The following POTEB3 variants were observed in gnomAD, a reference collection of about 807,000 sequenced individuals.
The protein encoded by POTEB3 is ANKRD26-like family B member 1.
Under a neutral mutation model 39.8 loss-of-function variants are expected in POTEB3, and 5 were observed. The ratio of observed to expected loss-of-function variants is 0.13; its 90% CI spans 0.07 to 0.26. The LOEUF is 0.26. Ranked by LOEUF, POTEB3 falls within the 10% of genes least tolerant of loss-of-function variation. The pLI is 1.00. For synonymous variants in POTEB3, 5 were observed against 161.5 expected, an observed-to-expected ratio of 0.03 and a Z score of 7.35; for missense variants, 24 against 475.6, an observed-to-expected ratio of 0.05 and a Z score of 8.83.
At chr15:21,434,454 A>G (rs2141374196) in intron 3 of POTEB3, among the ~76,000 whole-genome samples, 1 of 85,726 alleles carries the variant, frequency 1.2e-5, no homozygotes, top group Admixed American at 1.1e-4. Flanking sequence ...AGCATTAACC[A>G]CAAGTGCACT....
chr15:21,417,294 AAAG>A (rs1898422585), intron 9 of POTEB3, among the ~76,000 whole-genome samples: 1 of 75,316 alleles, frequency 1.3e-5, no homozygotes, highest in Admixed American at 1.1e-4. Context: ...GAGTGAATGA[AAAG>A]AAAATTTGAG....
intron 6 of POTEB3, among the ~76,000 whole-genome samples, chr15:21,424,803 C>T (rs1420814357): frequency 6.6e-6 from 1 of 151,042 alleles, no homozygotes. Flanking sequence ...GTCCTCCAAA[C>T]CTTTCTCATT....
rs1215637141 is a variant in POTEB3, at chr15:21,408,076, G to T, written c.*907C>A. Among the ~76,000 whole-genome samples the T allele has an allele frequency of 1.2e-5, 1 of 82,164 alleles. No homozygotes were observed. Among genetic ancestry groups the T allele is most frequent in the African/African-American group, 1.3e-4 (1 of 7,732 alleles). The allele number at this position is 82,164 out of a possible 152,430, so 53.9% of individuals were successfully genotyped here. A position where few individuals can be genotyped will look rare whatever the true frequency, so the allele number is the denominator to read the frequency against. ...GTCTGTGCTGTGGGCCCAAGCCAGG[G>T]TTCCTTGTCTGTTGATGAGCAGTAA... On this transcript the variant is annotated 3_prime_UTR_variant, in exon 11 of 11. Coordinates refer to ENST00000611217, the MANE Select transcript of POTEB3 (RefSeq NM_207355.5).
chr15:21,419,805 A>G (rs1260502187), intron 8 of POTEB3, among the ~76,000 whole-genome samples, 175 bp from the exon 9 acceptor site: 1 of 139,706 alleles, frequency 7.2e-6, no homozygotes, highest in Admixed American at 7.2e-5. Flanking sequence ...AGATGTAATT[A>G]TCATGTCATT....
rs1395074872 is a variant in POTEB3, at chr15:21,407,601, G to C, written c.*1382C>G. Among the ~76,000 whole-genome samples, 1 of 86,754 alleles carries C rather than the reference G, an allele frequency of 1.2e-5. No homozygotes were observed. Among genetic ancestry groups the C allele is most frequent in the Non-Finnish European group, 2.1e-5 (1 of 48,736 alleles). 56.9% of individuals were successfully genotyped at this position (86,754 alleles called of 152,430 possible). The stretch of plus-strand genomic sequence containing the variant: ...CAAAAGTGCCCTCTAAGCAGGTGTG[G>C]CCTGGCTGGGGTCCTGGGAGAGGCA... On this transcript the variant is annotated 3_prime_UTR_variant, in exon 11 of 11. Coordinates refer to ENST00000611217, the MANE Select transcript of POTEB3 (RefSeq NM_207355.5).
chr15:21,423,003 A>G (rs1423805548), intron 6 of POTEB3, among the ~76,000 whole-genome samples: 5 of 147,760 alleles, frequency 3.4e-5, no homozygotes, highest in Admixed American at 2.7e-4. Context: ...TACCTTACAA[A>G]CGATTTCCAA....
chr15:21,414,451 A>C (rs1240352156), intron 9 of POTEB3, among the ~76,000 whole-genome samples: 2 of 106,450 alleles, frequency 1.9e-5, no homozygotes, highest in African/African-American at 5.9e-5. Flanking sequence ...GGCAACTTTT[A>C]TACAGAAAAT....
chr15:21,419,993 G>A (rs1898471154), intron 8 of POTEB3, among the ~76,000 whole-genome samples: 2 of 93,784 alleles, frequency 2.1e-5, no homozygotes, highest in African/African-American at 5.0e-5. Flanking sequence ...AAAATAAAAC[G>A]ACATAGACAC....
At chr15:21,425,850 G>T (rs1355949839) in intron 6 of POTEB3, among the ~76,000 whole-genome samples, 1 of 151,646 alleles carries the variant, frequency 6.6e-6, no homozygotes, top group Non-Finnish European at 1.5e-5. Flanking sequence ...GCTGAAAGAG[G>T]GACAAATGGG....
rs1318821028 is a variant in POTEB3, at chr15:21,407,487, G to A, written c.*1496C>T. Among the ~76,000 whole-genome samples, 5 of 89,434 alleles carry A rather than the reference G, an allele frequency of 5.6e-5. No individual in the cohort carries two copies. In the East Asian group the frequency reaches 1.4e-3, roughly 26 times the overall value. 58.7% of individuals were successfully genotyped at this position (89,434 alleles called of 152,430 possible). A position where few individuals can be genotyped will look rare whatever the true frequency, so the allele number is the denominator to read the frequency against. ...CTGCAGTATGGAGAGGTAATGTGCA[G>A]GCTGGTACGTGGCTGTAGAGGTCAC... On this transcript the variant is annotated 3_prime_UTR_variant, in exon 11 of 11. Transcript: ENST00000611217.
At position 21,422,704 on chromosome 15, in the gene POTEB3, C is replaced by A. The variant is rs1261470686; in HGVS notation, c.1127-514G>T. On this transcript the variant is annotated intron_variant, in intron 6 of 10. Coordinates refer to ENST00000611217, the MANE Select transcript of POTEB3 (RefSeq NM_207355.5). ...ACAAATTCCTTTACCATCTCCCCTC[C>A]CCCTCAGCATTTATTCATAGCTATT... Among the ~76,000 whole-genome samples the A allele has an allele frequency of 4.0e-5, 6 of 150,468 alleles. No individual in the cohort carries two copies. The South Asian group carries it at 1.1e-3, about 26-fold the overall frequency.
chr15:21,428,919 T>C (rs1183134789), intron 5 of POTEB3: 17 of 134,648 alleles, frequency 1.3e-4, no homozygotes, highest in Non-Finnish European at 2.6e-4. Context: ...TGCCTCCTTA[T>C]GCAGAAGCCG....
At position 21,409,300 on chromosome 15, in the gene POTEB3, C is replaced by A; in HGVS notation, c.1534-105G>T. On this transcript the variant is annotated intron_variant, in intron 10 of 10. Transcript: ENST00000611217. ...TTTATATTTGTATAATGAAATAATT[C>A]CCATAGTGGATATTTAACTGGAAAA... The A allele has an allele frequency of 2.4e-6, 2 of 829,610 alleles. 1 individual carries two copies. Among genetic ancestry groups the A allele is most frequent in the Non-Finnish European group, 3.5e-6 (2 of 569,838 alleles). 51.4% of individuals were successfully genotyped at this position (829,610 alleles called of 1,614,324 possible).
intron 5 of POTEB3, chr15:21,429,035 G>T (rs1461533781): frequency 1.3e-5 from 2 of 150,360 alleles, no homozygotes; most frequent in African/African-American, 4.9e-5. Context: ...GCAAGGCTTG[G>T]CTCTTGTCCA....
At chr15:21,410,403 G>C (rs1291994875) in intron 10 of POTEB3, among the ~76,000 whole-genome samples, 1 of 80,432 alleles carries the variant, frequency 1.2e-5, no homozygotes, top group South Asian at 3.0e-4. Flanking sequence ...TCAAAAGCAA[G>C]GATAATGACA....
chr15:21,422,673 A>G (rs1241688892), intron 6 of POTEB3, among the ~76,000 whole-genome samples: 1 of 146,824 alleles, frequency 6.8e-6, no homozygotes, highest in East Asian at 2.0e-4. Flanking sequence ...GAGCAAGGTT[A>G]AGAAAACAAA....
At chr15:21,410,717 T>C (rs1410317084) in intron 10 of POTEB3, among the ~76,000 whole-genome samples, 161 bp downstream of exon 10, 2 of 78,478 alleles carry the variant, frequency 2.5e-5, no homozygotes, top group African/African-American at 1.0e-4. Context: ...TGACCAAGGA[T>C]ATACAGGGGG....
chr15:21,420,885 T>A lies in POTEB3; in HGVS notation c.1198-167A>T, dbSNP rs1348950335. Among the ~76,000 whole-genome samples, 3 of 60,370 alleles carry A rather than the reference T, an allele frequency of 5.0e-5. 1 individual carries two copies. In the East Asian group the frequency reaches 9.3e-4, roughly 19 times the overall value. The allele number at this position is 60,370 out of a possible 152,430, so 39.6% of individuals were successfully genotyped here. A position where few individuals can be genotyped will look rare whatever the true frequency, so the allele number is the denominator to read the frequency against. On this transcript the variant is annotated intron_variant, in intron 7 of 10. Transcript: ENST00000611217. ...TTAAAATAATTAAATAAATAAATAA[T>A]TAAAATTAAGAATTAACTTTTTAAT...
chr15:21,425,003 AAC>A (rs1456179434), intron 6 of POTEB3: 1 of 148,270 alleles, frequency 6.7e-6, no homozygotes, highest in Non-Finnish European at 1.5e-5. Flanking sequence ...AAAAAAGGCC[AAC>A]ACATTAAAAT....
Sources: gnomAD v4.1 joint callset for allele counts (sites outside exome capture counted in the v4.1 genomes callset) on GRCh38, gnomAD v4.1.1 for gene constraint, MANE v1.5 for transcripts, NCBI Gene and HGNC (gene_info 2026-07-23, HGNC 2026-07-21) for gene names.